HEATR1: variants seen among roughly 807,000 people sequenced by gnomAD.
The protein encoded by HEATR1 is HEAT repeat containing 1, also known as HEAT repeat-containing protein 1.
A neutral mutation model predicts 248.2 loss-of-function variants in HEATR1; 77 were observed. That is an observed-to-expected ratio of 0.31 (90% confidence interval 0.26 to 0.37). HEATR1 has a LOEUF of 0.37. Ranked by LOEUF, HEATR1 falls within the 10% of genes least tolerant of loss-of-function variation. The pLI, the probability that HEATR1 is intolerant of heterozygous loss-of-function variation, is 1.00. For missense variants in HEATR1, 2,420 were observed against 2,504.9 expected, an observed-to-expected ratio of 0.97 and a Z score of 0.72; for synonymous variants, 897 against 923.1, an observed-to-expected ratio of 0.97 and a Z score of 0.51.
chr1:236,561,202 T>TA (rs1256343942), intron 33 of HEATR1, 23 bp downstream of exon 33: 8 of 1,548,802 alleles, frequency 5.2e-6, no homozygotes, highest in Non-Finnish European at 6.2e-6. Context: ...AAATAAAAAG[T>TA]AGAAAAAGAA....
At chr1:236,554,522 T>A (rs1431935518) in intron 42 of HEATR1, 76 bp downstream of exon 42, 19 of 1,291,848 alleles carry the variant, frequency 1.5e-5, no homozygotes, top group Non-Finnish European at 2.0e-5. Flanking sequence ...AAGCTGTCAT[T>A]TGAGCAGATC....
chr1:236,587,871 C>G, intron 13 of HEATR1, 77 bp downstream of exon 13: 1 of 1,010,984 alleles, frequency 9.9e-7, no homozygotes. Context: ...ATATTCTAGT[C>G]TCAAGCAGAG....
intron 44 of HEATR1, chr1:236,551,521 A>G (rs1662743720): frequency 6.3e-6 from 1 of 158,598 alleles, no homozygotes; most frequent in African/African-American, 2.4e-5. Flanking sequence ...AAACAGAGAT[A>G]AAATGTTGTG....
At chr1:236,568,332 G>A (rs1258847815) in intron 29 of HEATR1, among the ~76,000 whole-genome samples, 1 of 152,134 alleles carries the variant, frequency 6.6e-6, no homozygotes, top group Admixed American at 6.5e-5. Context: ...TGGACACTGA[G>A]AACACCAATC....
intron 4 of HEATR1, among the ~76,000 whole-genome samples, chr1:236,598,666 C>A (rs906082049): frequency 2.6e-5 from 4 of 152,112 alleles, no homozygotes; most frequent in African/African-American, 9.7e-5. Context: ...TTCTTAAATT[C>A]TCCTTCTAAT....
chr1:236,591,036 C>T, intron 11 of HEATR1, 82 bp from the exon 12 acceptor site: 1 of 571,686 alleles, frequency 1.7e-6, no homozygotes, highest in Non-Finnish European at 2.7e-6. Context: ...GAGAAAACCA[C>T]CCCAAATTGC....
Position 236,564,566 on chromosome 1 carries a change from G to C in HEATR1, c.4531C>G (p.Arg1511Gly). The change falls in exon 32 of 45, where the codon CGG (arginine) becomes GGG (glycine). Residue 1511 changes from arginine (R) to glycine (G), a missense_variant. Transcript: ENST00000366582. ...GACACTGACAAAAATTTAAAATGCC[G>C]CAGTTGCTTGCTAGTGTGAGTCTCT... ...NVETHTSKQLRHFKFLSVSFM... is the reference protein window; with the variant it reads ...NVETHTSKQLGHFKFLSVSFM... 6.2e-7 allele frequency: 1 copy of C among 1,613,880 alleles called. No homozygotes were observed.
At chr1:236,578,598 T>C (rs1663629241) in intron 20 of HEATR1, among the ~76,000 whole-genome samples, 1 of 152,230 alleles carries the variant, frequency 6.6e-6, no homozygotes, top group Non-Finnish European at 1.5e-5. Context: ...CATAGTTCCC[T>C]TTACTGAACC....
In HEATR1 at chr1:236,595,971, G is replaced by T. The variant is rs376676358; in HGVS notation, c.818C>A (p.Thr273Asn). Residue 273 changes from threonine to asparagine, a missense_variant, in exon 7 of 45, where the codon ACC (threonine) becomes AAC (asparagine). Transcript: ENST00000366582. Reference sequence around the variant, plus strand: ...TGAATTCACAAAGGTATTTTCCATGGTCACTTTCACAGAAATCTGACATAT... The same window carrying T: ...TGAATTCACAAAGGTATTTTCCATGTTCACTTTCACAGAAATCTGACATAT... ...MIICQISVKV[T>N]MENTFVNSLA... 1.2e-6 allele frequency: 2 copies of T among 1,613,696 alleles called. No individual in the cohort carries two copies.
chr1:236,566,614 A>G (rs1288230900), intron 30 of HEATR1, 32 bp downstream of exon 30: 2 of 1,478,698 alleles, frequency 1.4e-6, no homozygotes, highest in Non-Finnish European at 9.4e-7. Flanking sequence ...AGAAATCACC[A>G]TTTTCCTTAT....
Position 236,603,238 on chromosome 1 carries a change from A to G in HEATR1, c.281T>C (p.Ile94Thr). ...CGACAAGTGAATAAGGAATAATGAAATGTTTTCATCCAACTGTTTGTTTAC... is the reference window on the plus strand; with the variant it reads ...CGACAAGTGAATAAGGAATAATGAAGTGTTTTCATCCAACTGTTTGTTTAC... ...KAVNKQLDEN[I>T]SLFLIHLSPY... The change falls in exon 3 of 45, where the codon ATT (isoleucine) becomes ACT (threonine). Residue 94 changes from isoleucine (I) to threonine (T), a missense_variant. By Grantham distance (89) the Ile-to-Thr change is moderately conservative (BLOSUM62 -1). Coordinates refer to ENST00000366582, the MANE Select transcript of HEATR1 (RefSeq NM_018072.6). 1 of 1,614,158 alleles carries G rather than the reference A, an allele frequency of 6.2e-7. No individual in the cohort carries two copies. Among genetic ancestry groups the G allele is most frequent in the Non-Finnish European group, 8.5e-7 (1 of 1,180,016 alleles).
intron 28 of HEATR1, among the ~76,000 whole-genome samples, chr1:236,569,946 C>T (rs2758198): frequency 0.6 from 91,135 of 152,054 alleles, 29,382 homozygotes; most frequent in Non-Finnish European, 0.72. Context: ...ATTATTCAGT[C>T]ATAAAAGGAA....
At chr1:236,590,578 G>A (rs747414023) in intron 12 of HEATR1, among the ~76,000 whole-genome samples, 4 of 151,962 alleles carry the variant, frequency 2.6e-5, no homozygotes, top group South Asian at 4.2e-4. Context: ...ATGAACCTAC[G>A]TGAATTAATC....
chr1:236,553,466 A>G, intron 43 of HEATR1, 115 bp downstream of exon 43: 7 of 1,042,306 alleles, frequency 6.7e-6, no homozygotes, highest in Non-Finnish European at 9.7e-6. Flanking sequence ...GATGACAAAT[A>G]GCAATGTTCT....
chr1:236,580,697 TG>T (rs1484911505), intron 20 of HEATR1, among the ~76,000 whole-genome samples: 2 of 149,860 alleles, frequency 1.3e-5, no homozygotes, highest in Non-Finnish European at 3.0e-5. Context: ...TTGTATTTTT[TG>T]TAGAGGCAGG....
chr1:236,594,844 C>T (rs1028578576), intron 8 of HEATR1, among the ~76,000 whole-genome samples: 2 of 152,148 alleles, frequency 1.3e-5, no homozygotes, highest in African/African-American at 4.8e-5. Flanking sequence ...GTCGCCCAGG[C>T]TGAACTGCAG....
At chr1:236,559,871 C>A in intron 33 of HEATR1, 34 bp from the exon 34 acceptor site, 1 of 1,573,116 alleles carries the variant, frequency 6.4e-7, no homozygotes, top group Non-Finnish European at 8.7e-7. Context: ...CAAACGGCAG[C>A]TGAAGGCACT....
intron 3 of HEATR1, among the ~76,000 whole-genome samples, chr1:236,599,973 GC>G (rs1325900084): frequency 6.7e-6 from 1 of 149,810 alleles, no homozygotes; most frequent in Admixed American, 6.6e-5. Context: ...GGTCACTGCA[GC>G]CTCAACCTCC....
intron 12 of HEATR1, among the ~76,000 whole-genome samples, chr1:236,589,133 G>A (rs147626495): frequency 2.6e-5 from 4 of 152,130 alleles, no homozygotes; most frequent in Non-Finnish European, 4.4e-5. Context: ...ACCGAAAAAC[G>A]AACCAAACCC....
Sources: allele counts gnomAD v4.1 joint callset (sites outside exome capture counted in the v4.1 genomes callset), GRCh38; gene constraint gnomAD v4.1.1; transcripts MANE v1.5; gene names NCBI Gene and HGNC (gene_info 2026-07-23, HGNC 2026-07-21).